The following GSDMA variants were observed in gnomAD, a reference collection of about 807,000 sequenced individuals.
GSDMA encodes gasdermin A.
GSDMA carries 55 observed loss-of-function variants against 54.3 expected under a neutral mutation model. That is an observed-to-expected ratio of 1.01 (90% CI 0.82 to 1.27). GSDMA has a LOEUF of 1.27. GSDMA is among the 50% of genes most tolerant of loss of function. The probability of loss-of-function intolerance (pLI) is 0.00; values close to 1 mark genes in which losing one functional copy is unlikely to be tolerated. For synonymous variants in GSDMA, 211 were observed against 224.7 expected (o/e 0.94, Z 0.54); for missense variants, 542 against 542.6 (o/e 1.00, Z 0.01).
At chr17:39,976,752 T>C (rs1166512612) in intron 11 of GSDMA, 64 bp from the exon 12 acceptor site, 90 of 1,590,104 alleles carry the variant, frequency 5.7e-5, no homozygotes, top group Non-Finnish European at 7.5e-5. Flanking sequence ...TTGTGATTTT[T>C]GTGAGTTAGG....
At chr17:39,968,994 T>C (rs1045939201) in intron 3 of GSDMA, among the ~76,000 whole-genome samples, 2 of 152,032 alleles carry the variant, frequency 1.3e-5, no homozygotes, top group Non-Finnish European at 1.5e-5. Flanking sequence ...TGATTGGAAA[T>C]AAGGGCCTGG....
At chr17:39,971,669 C>T (rs1979949427) in intron 5 of GSDMA, 49 bp downstream of exon 5, 2 of 1,402,330 alleles carry the variant, frequency 1.4e-6, no homozygotes, top group Non-Finnish European at 2.0e-6. Context: ...ATTACCTGCA[C>T]CAGTACTGAG....
chr17:39,975,266 T>G (rs570470093), intron 10 of GSDMA, among the ~76,000 whole-genome samples: 2 of 152,082 alleles, frequency 1.3e-5, no homozygotes, highest in East Asian at 3.9e-4. Flanking sequence ...CTGGCCAACA[T>G]GGTGAAACCC....
intron 3 of GSDMA, among the ~76,000 whole-genome samples, chr17:39,968,921 G>C (rs1216132740): frequency 6.6e-6 from 1 of 152,164 alleles, no homozygotes; most frequent in East Asian, 1.9e-4. Context: ...GAGATTGTGA[G>C]TTCCTTTTGG....
chr17:39,973,725 A>G, intron 7 of GSDMA, 85 bp from the exon 8 acceptor site: 1 of 1,134,710 alleles, frequency 8.8e-7, no homozygotes, highest in Admixed American at 2.1e-5. Flanking sequence ...GTATTTCCTC[A>G]TCTTCCTTAG....
intron 1 of GSDMA, among the ~76,000 whole-genome samples, chr17:39,965,241 G>A (rs1055335755): frequency 1.2e-4 from 13 of 105,802 alleles, no homozygotes; most frequent in African/African-American, 2.6e-4. Flanking sequence ...AGGAAGGAAG[G>A]AAGAAAGGGA....
At chr17:39,972,797 T>TTGGACAAGA (rs149449702) in intron 7 of GSDMA, among the ~76,000 whole-genome samples, 184 bp downstream of exon 7, 124,192 of 151,594 alleles carry the variant, frequency 0.82, 50,901 homozygotes, top group East Asian at 0.88. Flanking sequence ...GGGGGAGTCT[T>TTGGACAAGA]TGCCCAGGTG....
Position 39,977,015 on chromosome 17 carries a change from A to G in GSDMA, c.1295A>G (p.Tyr432Cys). The G allele has an allele frequency of 1.9e-6, 3 of 1,613,856 alleles. No individual in the cohort carries two copies. Among genetic ancestry groups the G allele is most frequent in the South Asian group, 2.2e-5 (2 of 91,082 alleles). Residue 432 changes from tyrosine (Y) to cysteine (C), a missense_variant, in exon 12 of 12, where the codon TAT (tyrosine) becomes TGT (cysteine). Transcript: ENST00000301659. The part of the protein sequence containing the change: ...PDTLPRLCAL[Y>C]AGLSLLQQLT... ...ACCCTCCCTCGCCTCTGTGCTCTTT[A>G]TGCAGGCCTCTCTCTCCTTCAGCAG... is the stretch of plus-strand genomic sequence containing the variant.
At chr17:39,975,785 C>T (rs1054174279) in intron 10 of GSDMA, 139 bp from the exon 11 acceptor site, 2 of 582,772 alleles carry the variant, frequency 3.4e-6, no homozygotes, top group African/African-American at 1.9e-5. Context: ...AAAGTGGACC[C>T]CTCAGCTATG....
intron 10 of GSDMA, among the ~76,000 whole-genome samples, chr17:39,975,504 T>C (rs1458038497): frequency 6.6e-6 from 1 of 152,154 alleles, no homozygotes; most frequent in Non-Finnish European, 1.5e-5. Context: ...TTGGGTAGTC[T>C]GAGAAGACAG....
At chr17:39,963,821 T>A (rs919769979) in intron 1 of GSDMA, among the ~76,000 whole-genome samples, 5 of 152,006 alleles carry the variant, frequency 3.3e-5, no homozygotes, top group Admixed American at 3.3e-4. Context: ...GCCATTGCAC[T>A]CCAGCCTGGG....
At chr17:39,965,989 C>A in intron 2 of GSDMA, 88 bp downstream of exon 2, 1 of 1,256,640 alleles carries the variant, frequency 8.0e-7, no homozygotes, top group Non-Finnish European at 1.1e-6. Flanking sequence ...AAAGCTCCCT[C>A]TGGCCAGAGG....
intron 8 of GSDMA, among the ~76,000 whole-genome samples, 164 bp from the exon 9 acceptor site, chr17:39,974,109 C>G (rs1980083932): frequency 6.6e-6 from 1 of 152,138 alleles, no homozygotes; most frequent in African/African-American, 2.4e-5. Context: ...GTGGATAGTT[C>G]TGTCACCGCA....
rs773554746 is a variant in GSDMA at position 39,971,538 on chromosome 17, C to T, written c.573C>T (p.His191=). The change falls in exon 5 of 12, where the codon CAC becomes CAT. Residue 191 remains histidine, a synonymous_variant. Transcript: ENST00000301659. ...APLGLQGSIN[H]KEAVTIPKGC... ...TCTAATTCTAGGGATCCATAAATCA[C>T]AAGGAGGCTGTAACCATCCCCAAGG... is the stretch of plus-strand genomic sequence containing the variant. 26 of 1,613,220 alleles carry T rather than the reference C, an allele frequency of 1.6e-5. No homozygotes were observed. In the South Asian group the frequency reaches 2.9e-4, roughly 18 times the overall value.
At chr17:39,969,223 G>A (rs147524976) in intron 3 of GSDMA, among the ~76,000 whole-genome samples, 6 of 151,514 alleles carry the variant, frequency 4.0e-5, no homozygotes, top group Non-Finnish European at 8.8e-5. Context: ...ATGGTGGTGC[G>A]CCTAGAGTCC....
At chr17:39,966,184 C>T in intron 2 of GSDMA, 76 bp from the exon 3 acceptor site, 4 of 1,518,940 alleles carry the variant, frequency 2.6e-6, no homozygotes, top group South Asian at 1.2e-5. Flanking sequence ...ACCTTGGCCT[C>T]CCAAAATGCT....
At chr17:39,970,989 T>C (rs74743850) in intron 4 of GSDMA, among the ~76,000 whole-genome samples, 1 of 152,132 alleles carries the variant, frequency 6.6e-6, no homozygotes, top group Non-Finnish European at 1.5e-5. Flanking sequence ...ATCAGGTTCA[T>C]AGAGGAGACA....
chr17:39,970,700 C>G, intron 4 of GSDMA, 53 bp downstream of exon 4: 1 of 1,337,398 alleles, frequency 7.5e-7, no homozygotes, highest in Non-Finnish European at 9.7e-7. Context: ...CACTCACACT[C>G]ACACATACAC....
intron 2 of GSDMA, among the ~76,000 whole-genome samples, 166 bp downstream of exon 2, chr17:39,966,067 T>A (rs1979646721): frequency 6.6e-6 from 1 of 152,158 alleles, no homozygotes; most frequent in South Asian, 2.1e-4. Flanking sequence ...GGGGGATACC[T>A]CTCAGCTCAG....
Sources: allele counts gnomAD v4.1 joint callset (sites outside exome capture counted in the v4.1 genomes callset), GRCh38; gene constraint gnomAD v4.1.1; transcripts MANE v1.5; gene names NCBI Gene and HGNC (gene_info 2026-07-23, HGNC 2026-07-21).